Variants in CHD1L observed in about 807,000 individuals in gnomAD.
The protein encoded by CHD1L is chromodomain helicase DNA binding protein 1 like.
A neutral mutation model predicts 115.9 loss-of-function variants in CHD1L; 118 were observed. The observed-to-expected ratio is 1.02, with a 90% CI of 0.88 to 1.19. CHD1L has a LOEUF of 1.19. Ranked by LOEUF, CHD1L falls within the 50% of genes most tolerant of loss-of-function variation. The pLI, the probability that CHD1L is intolerant of heterozygous loss-of-function variation, is 0.00. For synonymous variants in CHD1L, 411 were observed against 387.1 expected, an observed-to-expected ratio of 1.06 and a Z score of -0.72; for missense variants, 1,179 against 1,065.3, an observed-to-expected ratio of 1.11 and a Z score of -1.49.
Position 147,284,380 on chromosome 1 carries a change from G to A in CHD1L, c.1735G>A (p.Asp579Asn), listed in dbSNP as rs149791343. 7 of 1,590,802 alleles carry A rather than the reference G, an allele frequency of 4.4e-6. No homozygotes were observed. Among genetic ancestry groups the A allele is most frequent in the Middle Eastern group, 1.7e-4 (1 of 5,952 alleles). ...TCATATGTACTTATTTGAAGGTAAA[G>A]ATTATTCTAAAGAGCCCAGTAAGGA... Reference protein sequence around the residue: ...KNHMYLFEGKDYSKEPSKEDR... With the variant: ...KNHMYLFEGKNYSKEPSKEDR... Residue 579 changes from aspartate to asparagine, a missense_variant, in exon 16 of 23, where the codon GAT becomes AAT. Asp to Asn is a conservative substitution (Grantham distance 23). Transcript: ENST00000369258.
At chr1:147,177,129 C>G in the CHD1L span, among the ~76,000 whole-genome samples, 1 of 151,832 alleles carries the variant, frequency 6.6e-6, no homozygotes, top group Non-Finnish European at 1.5e-5. Flanking sequence ...AGAAAAATGC[C>G]TAATTCTAGG....
chr1:147,201,302 C>G, the CHD1L span: 2 of 1,614,074 alleles, frequency 1.2e-6, no homozygotes, highest in African/African-American at 2.7e-5. Context: ...TTTTTGACCA[C>G]TTTGACGGAA....
At chr1:147,280,287 C>T in intron 15 of CHD1L, 96 bp downstream of exon 15, 1 of 1,263,030 alleles carries the variant, frequency 7.9e-7, no homozygotes. Context: ...TCTGGGGCAT[C>T]TTTTTTCTCC....
chr1:147,213,098 TAAATA>T, the CHD1L span, among the ~76,000 whole-genome samples: 5 of 152,170 alleles, frequency 3.3e-5, no homozygotes, highest in South Asian at 6.2e-4. Context: ...ATTGTAAAAC[TAAATA>T]GACTGCAAAT....
intron 22 of CHD1L, among the ~76,000 whole-genome samples, chr1:147,294,960 G>T (rs587627960): frequency 3.3e-5 from 5 of 152,166 alleles, no homozygotes; most frequent in African/African-American, 4.8e-5. Flanking sequence ...AAAGCAGTAT[G>T]AAATTTATTT....
At chr1:147,219,695 T>C in the CHD1L span, among the ~76,000 whole-genome samples, 2 of 151,758 alleles carry the variant, frequency 1.3e-5, no homozygotes, top group Non-Finnish European at 2.9e-5. Flanking sequence ...AGATAACTTT[T>C]TATTTGCAGA....
At chr1:147,207,623 C>T in the CHD1L span, among the ~76,000 whole-genome samples, 1 of 152,140 alleles carries the variant, frequency 6.6e-6, no homozygotes, top group South Asian at 2.1e-4. Context: ...CTCTACATCT[C>T]AGTTTTTATA....
At position 147,295,416 on chromosome 1, in the gene CHD1L, G is replaced by T; in HGVS notation, c.2616-15G>T. 1.3e-6 allele frequency: 2 copies of T among 1,576,008 alleles called. No individual in the cohort carries two copies. The highest frequency in any genetic ancestry group is 1.1e-5 in the South Asian group (1 of 89,982). ...TAAAGTGATGACATGTATCTTCCTTGACCATCCTTATCAGATATTATTTTC... is the reference window on the plus strand; with the variant it reads ...TAAAGTGATGACATGTATCTTCCTTTACCATCCTTATCAGATATTATTTTC... On this transcript the variant is annotated splice_polypyrimidine_tract_variant and intron_variant, in intron 22 of 22. Coordinates refer to ENST00000369258, the MANE Select transcript of CHD1L (RefSeq NM_004284.6).
the CHD1L span, among the ~76,000 whole-genome samples, chr1:147,181,967 GTTGCGGTTA>G: frequency 6.6e-6 from 1 of 152,190 alleles, no homozygotes. Flanking sequence ...CTTTAGTGGT[GTTGCGGTTA>G]TTCATGACAA....
At chr1:147,203,554 G>C in the CHD1L span, 1 of 965,912 alleles carries the variant, frequency 1.0e-6, no homozygotes. Context: ...CTTAACTCCA[G>C]AGTTTTCTCC....
the CHD1L span, among the ~76,000 whole-genome samples, chr1:147,233,133 C>T: frequency 6.6e-6 from 1 of 151,552 alleles, no homozygotes; most frequent in Admixed American, 6.6e-5. Flanking sequence ...ATGTGAGGAG[C>T]GCCTCTGCCC....
the CHD1L span, chr1:147,204,932 T>C: frequency 6.4e-7 from 1 of 1,553,602 alleles, no homozygotes; most frequent in Non-Finnish European, 8.9e-7. Context: ...TGAAGCGCCA[T>C]GGCCAGCCTG....
At chr1:147,228,740 T>C in the CHD1L span, among the ~76,000 whole-genome samples, 1 of 152,242 alleles carries the variant, frequency 6.6e-6, no homozygotes, top group African/African-American at 2.4e-5. Context: ...TGGTTTTGAT[T>C]TGTATTTCTC....
intron 19 of CHD1L, 53 bp from the exon 20 acceptor site, chr1:147,291,427 TCA>T (rs1685488151): frequency 7.2e-7 from 1 of 1,389,720 alleles, no homozygotes; most frequent in Non-Finnish European, 1.0e-6. Flanking sequence ...CGAGGAGGAT[TCA>T]TTCATTAGTG....
chr1:147,192,449 G>A, the CHD1L span, among the ~76,000 whole-genome samples: 30 of 152,076 alleles, frequency 2.0e-4, no homozygotes, highest in African/African-American at 4.1e-4. Context: ...CAATCATGTC[G>A]TCTGCAAACA....
chr1:147,279,577 T>A (rs1467185650), intron 14 of CHD1L, among the ~76,000 whole-genome samples: 1 of 152,148 alleles, frequency 6.6e-6, no homozygotes, highest in Non-Finnish European at 1.5e-5. Context: ...AAGGAGTCAG[T>A]TCATGATAGA....
chr1:147,276,927 C>G (rs192897633), intron 14 of CHD1L, among the ~76,000 whole-genome samples: 17 of 152,190 alleles, frequency 1.1e-4, no homozygotes, highest in Non-Finnish European at 2.2e-4. Context: ...TAGAAAGATG[C>G]AGGTATGAAG....
the CHD1L span, among the ~76,000 whole-genome samples, chr1:147,218,512 A>C: frequency 6.6e-6 from 1 of 152,204 alleles, no homozygotes; most frequent in Non-Finnish European, 1.5e-5. Flanking sequence ...CTGGGATTAC[A>C]GGCGTGAGCC....
chr1:147,210,624 T>A, the CHD1L span: 1 of 152,142 alleles, frequency 6.6e-6, no homozygotes, highest in Non-Finnish European at 1.5e-5. Context: ...TTCTGCTGAG[T>A]AATGAAAACG....
Sources: allele counts gnomAD v4.1 joint callset (sites outside exome capture counted in the v4.1 genomes callset), GRCh38; gene constraint gnomAD v4.1.1; transcripts MANE v1.5; gene names NCBI Gene and HGNC (gene_info 2026-07-23, HGNC 2026-07-21).